The following ZNF208 variants were observed in gnomAD, a reference collection of about 807,000 sequenced individuals.
ZNF208 encodes zinc finger protein 95.
Under a neutral mutation model 12.1 loss-of-function variants are expected in ZNF208, and 10 were observed. That is an observed-to-expected ratio of 0.83 (90% CI 0.51 to 1.40). The LOEUF is 1.40. ZNF208 is among the 40% of genes most tolerant of loss of function. The probability of loss-of-function intolerance (pLI) is 0.00; values close to 1 mark genes in which losing one functional copy is unlikely to be tolerated. For missense variants in ZNF208, 1,652 were observed against 1,485.0 expected, an observed-to-expected ratio of 1.11 and a Z score of -1.85; for synonymous variants, 497 against 488.4, an observed-to-expected ratio of 1.02 and a Z score of -0.23.
intron 4 of ZNF208, among the ~76,000 whole-genome samples, chr19:21,952,103 T>C (rs185381916): frequency 2.5e-4 from 38 of 152,286 alleles, no homozygotes; most frequent in African/African-American, 8.2e-4. Context: ...GGGAGGGGCA[T>C]CCACCATTGC....
intron 1 of ZNF208, among the ~76,000 whole-genome samples, chr19:21,989,387 C>A (rs544068807): frequency 6.6e-6 from 1 of 151,928 alleles, no homozygotes; most frequent in Admixed American, 6.6e-5. Context: ...CCAATTTCAT[C>A]CATGTCCCAA....
chr19:21,948,789 A>C (rs892793566), intron 4 of ZNF208, among the ~76,000 whole-genome samples: 1 of 30,494 alleles, frequency 3.3e-5, no homozygotes, highest in African/African-American at 1.1e-4. Flanking sequence ...TACAGGCAGC[A>C]AAAAAACTCA....
chr19:21,983,079 C>T (rs1449663563), intron 3 of ZNF208, among the ~76,000 whole-genome samples: 2 of 151,926 alleles, frequency 1.3e-5, no homozygotes, highest in Non-Finnish European at 2.9e-5. Flanking sequence ...AACAGGCAAC[C>T]TACAGAATGG....
At chr19:21,955,983 C>A (rs1295250845) in intron 4 of ZNF208, among the ~76,000 whole-genome samples, 1 of 152,152 alleles carries the variant, frequency 6.6e-6, no homozygotes, top group African/African-American at 2.4e-5. Context: ...TACCTTTGGT[C>A]TTTGATGATG....
chr19:21,966,035 ATT>A (rs893543550), downstream of ZNF208: 2 of 152,062 alleles, frequency 1.3e-5, no homozygotes, highest in Non-Finnish European at 2.9e-5. Flanking sequence ...GGGGTGAAAA[ATT>A]TGTCTTTCAC....
Position 21,974,107 on chromosome 19 carries a change from T to A in ZNF208, c.927A>T (p.Gly309=), listed in dbSNP as rs916830933. The change falls in exon 4 of 4, where the codon GGA becomes GGT. Residue 309 remains glycine, a synonymous_variant. Coordinates refer to ENST00000397126, the MANE Select transcript of ZNF208 (RefSeq NM_007153.3). ...TLTTHKAIHA[G]EKPYKCKECG... ...ATTCTTTACATTTGTAGGGCTTCTC[T>A]CCAGCATGAATTGCCTTATGTGTAG... 3 of 1,578,686 alleles carry A rather than the reference T, an allele frequency of 1.9e-6. No individual in the cohort carries two copies. The highest frequency in any genetic ancestry group is 2.6e-6 in the Non-Finnish European group (3 of 1,160,814).
intron 2 of ZNF208, among the ~76,000 whole-genome samples, 195 bp from the exon 3 acceptor site, chr19:21,987,506 T>C (rs562358868): frequency 3.2e-4 from 48 of 152,288 alleles, no homozygotes; most frequent in Non-Finnish European, 5.6e-4. Context: ...CAATATGTTG[T>C]GGAAAGCCAC....
chr19:22,010,894 A>C lies in ZNF208; in HGVS notation c.-100T>G. ...CTGGGACTCTAGGAGCAGAGGACAC[A>C]CAGCAGTAAGGACGAGACCTTGACC... On this transcript the variant is annotated 5_prime_UTR_variant, in exon 1 of 4. Transcript: ENST00000397126. 2 of 1,563,372 alleles carry C rather than the reference A, an allele frequency of 1.3e-6. No individual in the cohort carries two copies. Among genetic ancestry groups the C allele is most frequent in the Non-Finnish European group, 1.8e-6 (2 of 1,135,340 alleles).
rs368731117 is a variant in ZNF208, at chr19:21,946,350, G to A, written c.306-13113C>T. Among the ~76,000 whole-genome samples, 16 of 152,270 alleles carry A rather than the reference G, an allele frequency of 1.1e-4. No homozygotes were observed. In the East Asian group the frequency reaches 3.1e-3, roughly 30 times the overall value. ...GTCTCAGGCCAAGGCCCCAGGCAAA[G>A]CTGAGTCACACATTCTCTAAGACAG... On this transcript the variant is annotated intron_variant, in intron 4 of 4. Transcript: ENST00000599916.
chr19:21,948,178 T>G (rs1210609850), intron 4 of ZNF208, among the ~76,000 whole-genome samples: 1 of 152,172 alleles, frequency 6.6e-6, no homozygotes, highest in African/African-American at 2.4e-5. Context: ...TCCCCTCTAG[T>G]GCATTCTGAA....
chr19:21,987,082 A>C, intron 3 of ZNF208, 134 bp downstream of exon 3: 1 of 882,344 alleles, frequency 1.1e-6, no homozygotes, highest in Non-Finnish European at 1.7e-6. Flanking sequence ...GAGAAAATTA[A>C]AGAATAAAAA....
intron 1 of ZNF208, among the ~76,000 whole-genome samples, chr19:21,996,560 A>T (rs2145576200): frequency 6.6e-6 from 1 of 152,276 alleles, no homozygotes; most frequent in Admixed American, 6.5e-5. Flanking sequence ...TCAGATAAAA[A>T]CTTATTTTTT....
At chr19:21,994,099 C>G (rs1335486267) in intron 1 of ZNF208, among the ~76,000 whole-genome samples, 2 of 152,024 alleles carry the variant, frequency 1.3e-5, no homozygotes, top group African/African-American at 4.8e-5. Context: ...ATGTATAGAA[C>G]AAAAGCTAAA....
In ZNF208 at chr19:21,973,813, A is replaced by T; in HGVS notation, c.1221T>A (p.Ser407Arg). ...YKCEECGKGF[S>R]MFSILTKHEV... ...CATGTTTAGTAAGGATTGAGAACAT[A>T]CTAAAACCTTTGCCACATTCTTCAC... Residue 407 changes from serine to arginine, a missense_variant, in exon 4 of 4, where the codon AGT becomes AGA. Around this residue, in one of 3 missense-constraint regions of ZNF208, gnomAD observed 1,239 missense variants for 1,086.2 expected, o/e 1.14. Coordinates refer to ENST00000397126, the MANE Select transcript of ZNF208 (RefSeq NM_007153.3). 3.1e-6 allele frequency: 5 copies of T among 1,605,380 alleles called. No individual in the cohort carries two copies. Among genetic ancestry groups the T allele is most frequent in the Non-Finnish European group, 4.3e-6 (5 of 1,173,536 alleles).
chr19:21,980,234 A>T (rs990038705), intron 3 of ZNF208, among the ~76,000 whole-genome samples: 4 of 152,208 alleles, frequency 2.6e-5, no homozygotes, highest in African/African-American at 9.6e-5. Context: ...AACCAAATAG[A>T]CATCTACAGG....
intron 4 of ZNF208, among the ~76,000 whole-genome samples, chr19:21,955,048 A>G (rs1182150379): frequency 6.6e-6 from 1 of 152,166 alleles, no homozygotes; most frequent in Admixed American, 6.5e-5. Context: ...ATCTCTCAGC[A>G]TTTGCTTATC....
At chr19:21,988,673 G>A in intron 2 of ZNF208, 110 bp downstream of exon 2, 2 of 1,594,976 alleles carry the variant, frequency 1.3e-6, no homozygotes, top group Admixed American at 1.8e-5. Flanking sequence ...ATACTCTTTT[G>A]TCTTTGTCTT....
chr19:22,008,302 C>CAA (rs71180503), intron 1 of ZNF208, among the ~76,000 whole-genome samples: 3 of 98,928 alleles, frequency 3.0e-5, no homozygotes, highest in South Asian at 4.0e-4. Context: ...GACTCTATCT[C>CAA]AAAAAAAAAA....
chr19:21,963,634 G>A (rs918147526), downstream of ZNF208, among the ~76,000 whole-genome samples: 4 of 151,940 alleles, frequency 2.6e-5, no homozygotes, highest in Admixed American at 2.6e-4. Context: ...TGCATAGCTA[G>A]ACACTTATTG....
Sources: gnomAD v4.1 joint callset for allele counts (sites outside exome capture counted in the v4.1 genomes callset) on GRCh38, gnomAD v4.1.1 for gene constraint, gnomAD v4.1.1 regional missense constraint, MANE v1.5 for transcripts, NCBI Gene and HGNC (gene_info 2026-07-23, HGNC 2026-07-21) for gene names.